The following SGMS1 variants were observed in gnomAD, a reference collection of about 807,000 sequenced individuals.
SGMS1 encodes phosphatidylcholine:ceramide cholinephosphotransferase 1.
Under a neutral mutation model 46.2 loss-of-function variants are expected in SGMS1, and 13 were observed. That is an observed-to-expected ratio of 0.28 (90% CI 0.18 to 0.45). The LOEUF (loss-of-function observed/expected upper bound fraction) is 0.45, where lower values mean the gene tolerates loss of function less well. Ranked by LOEUF, SGMS1 falls within the 20% of genes least tolerant of loss-of-function variation. The pLI, the probability that SGMS1 is intolerant of heterozygous loss-of-function variation, is 1.00. For missense variants in SGMS1, 324 were observed against 519.9 expected, an observed-to-expected ratio of 0.62 and a Z score of 3.66; for synonymous variants, 203 against 187.8, an observed-to-expected ratio of 1.08 and a Z score of -0.66.
chr10:50,516,721 C>T (rs1029516491), intron 3 of SGMS1, among the ~76,000 whole-genome samples: 2 of 152,170 alleles, frequency 1.3e-5, no homozygotes, highest in African/African-American at 4.8e-5. Flanking sequence ...TACTTAGAGA[C>T]AACTGATTTT....
chr10:50,310,083 C>T (rs530120419), intron 9 of SGMS1, among the ~76,000 whole-genome samples: 4 of 152,210 alleles, frequency 2.6e-5, no homozygotes, highest in Non-Finnish European at 4.4e-5. Flanking sequence ...ACCCGATCTA[C>T]ATCAGCTGAG....
intron 6 of SGMS1, among the ~76,000 whole-genome samples, chr10:50,413,696 G>A (rs1464969438): frequency 6.6e-6 from 1 of 152,112 alleles, no homozygotes; most frequent in Non-Finnish European, 1.5e-5. Flanking sequence ...ATTTTCCCTG[G>A]GGGTTTAAAA....
At chr10:50,356,885 G>T (rs957032280) in intron 6 of SGMS1, among the ~76,000 whole-genome samples, 4 of 152,060 alleles carry the variant, frequency 2.6e-5, no homozygotes, top group Non-Finnish European at 5.9e-5. Context: ...CATGGACACA[G>T]GAAGGGGAAC....
chr10:50,318,540 A>G (rs755120262), intron 8 of SGMS1, among the ~76,000 whole-genome samples: 3 of 152,182 alleles, frequency 2.0e-5, no homozygotes, highest in Non-Finnish European at 4.4e-5. Context: ...CAGCAAGTGA[A>G]ATCTGGATGA....
chr10:50,489,122 C>G (rs1054626548), intron 3 of SGMS1, among the ~76,000 whole-genome samples: 4 of 152,210 alleles, frequency 2.6e-5, no homozygotes, highest in Non-Finnish European at 4.4e-5. Context: ...ATACTAACCT[C>G]TAGCCCTGAT....
chr10:50,482,094 A>C (rs1837482223), intron 3 of SGMS1, among the ~76,000 whole-genome samples: 1 of 152,202 alleles, frequency 6.6e-6, no homozygotes, highest in South Asian at 2.1e-4. Flanking sequence ...TTGGAAACAT[A>C]CTTCAGGATA....
intron 1 of SGMS1, among the ~76,000 whole-genome samples, chr10:50,601,485 G>A (rs943446158): frequency 2.0e-5 from 3 of 152,214 alleles, no homozygotes; most frequent in African/African-American, 7.2e-5. Context: ...GGAATGGCTA[G>A]GCAAGAACCC....
Position 50,410,468 on chromosome 10 carries a change from T to C in SGMS1, c.-232+23008A>G, listed in dbSNP as rs543960024. Among the ~76,000 whole-genome samples, 14 of 152,302 alleles carry C rather than the reference T, an allele frequency of 9.2e-5. No individual in the cohort carries two copies. In the South Asian group the frequency reaches 2.9e-3, roughly 32 times the overall value. On this transcript the variant is annotated intron_variant, in intron 6 of 10. Transcript: ENST00000361781. ...AAAGTAAAAACTCGAGCTGAATACC[T>C]TATTGTGAGAATGTAAACCATCAGG... is the stretch of plus-strand genomic sequence containing the variant.
chr10:50,515,816 C>A (rs1177986804), intron 3 of SGMS1, among the ~76,000 whole-genome samples: 2 of 152,108 alleles, frequency 1.3e-5, no homozygotes, highest in African/African-American at 4.8e-5. Flanking sequence ...AAGTTACTAC[C>A]CATTAGAATT....
intron 6 of SGMS1, among the ~76,000 whole-genome samples, chr10:50,357,930 C>T (rs1013063550): frequency 5.9e-5 from 9 of 152,208 alleles, no homozygotes; most frequent in Middle Eastern, 6.8e-3. Context: ...GTCCTACATG[C>T]GTAGTCTCTT....
chr10:50,462,501 G>A (rs79414989), intron 4 of SGMS1, among the ~76,000 whole-genome samples: 35 of 152,226 alleles, frequency 2.3e-4, no homozygotes, highest in Admixed American at 5.9e-4. Context: ...GCTAGCTTTC[G>A]ATGCTTATGG....
intron 1 of SGMS1, among the ~76,000 whole-genome samples, chr10:50,600,602 A>G (rs1009615052): frequency 1.3e-5 from 2 of 152,216 alleles, no homozygotes; most frequent in Non-Finnish European, 2.9e-5. Context: ...TGGGCTGTTG[A>G]GCAGATGCCA....
Position 50,343,362 on chromosome 10 carries a change from GT to G in SGMS1, c.623+129del, listed in dbSNP as rs1404718654. ...AGTAAGTTAGTCCAACAGGGTATGT[GT>G]TTAAAAAAGAAAAAAAAATAGTATG... On this transcript the variant is annotated intron_variant, in intron 7 of 10. Transcript: ENST00000361781. 4.6e-6 allele frequency: 5 copies of G among 1,097,066 alleles called. No individual in the cohort carries two copies. The Admixed American group carries it at 1.5e-4, about 34-fold the overall frequency. 68.0% of individuals were successfully genotyped at this position (1,097,066 alleles called of 1,614,324 possible). A position where few individuals can be genotyped will look rare whatever the true frequency, so the allele number is the denominator to read the frequency against.
intron 3 of SGMS1, among the ~76,000 whole-genome samples, chr10:50,480,897 T>C (rs910285202): frequency 1.3e-5 from 2 of 152,082 alleles, no homozygotes; most frequent in Non-Finnish European, 2.9e-5. Context: ...CTGTGGCAGA[T>C]CATGGCCAGA....
chr10:50,616,825 T>C (rs970354535), intron 1 of SGMS1, among the ~76,000 whole-genome samples: 1 of 152,174 alleles, frequency 6.6e-6, no homozygotes, highest in Non-Finnish European at 1.5e-5. Context: ...TTTAAAAAGA[T>C]GAAATGATGA....
intron 6 of SGMS1, among the ~76,000 whole-genome samples, chr10:50,404,376 G>A (rs964736077): frequency 6.6e-6 from 1 of 151,372 alleles, no homozygotes; most frequent in African/African-American, 2.4e-5. Flanking sequence ...AGAGTCTGAT[G>A]TGGGAGAACT....
intron 2 of SGMS1, among the ~76,000 whole-genome samples, chr10:50,587,084 A>C (rs1431915384): frequency 6.6e-6 from 1 of 152,240 alleles, no homozygotes; most frequent in East Asian, 1.9e-4. Flanking sequence ...CACAAAGAAA[A>C]GACAAATGCA....
chr10:50,574,963 G>GTATATATATATATATATATA (rs143713324), intron 2 of SGMS1, among the ~76,000 whole-genome samples: 1,520 of 99,510 alleles, frequency 0.015, 43 homozygotes, highest in South Asian at 0.04. Context: ...AAAATGTGGT[G>GTATATATATATATATATATA]TATATATATA....
chr10:50,370,989 A>G (rs1455586511), intron 6 of SGMS1, among the ~76,000 whole-genome samples: 1 of 152,208 alleles, frequency 6.6e-6, no homozygotes, highest in Non-Finnish European at 1.5e-5. Context: ...TAATGATAAA[A>G]GGTACACCAT....
Sources: allele counts gnomAD v4.1 joint callset (sites outside exome capture counted in the v4.1 genomes callset), GRCh38; gene constraint gnomAD v4.1.1; transcripts MANE v1.5; gene names NCBI Gene and HGNC (gene_info 2026-07-23, HGNC 2026-07-21).